TRIQK: variants seen among roughly 807,000 people sequenced by gnomAD.
The protein encoded by TRIQK is triple QxxK/R motif-containing protein.
TRIQK carries 10 observed loss-of-function variants against 10.8 expected under a neutral mutation model. That is an observed-to-expected ratio of 0.92 (90% CI 0.57 to 1.57). The LOEUF (loss-of-function observed/expected upper bound fraction) is 1.57. TRIQK is among the 40% of genes most tolerant of loss of function. TRIQK has a pLI of 0.00. For synonymous variants in TRIQK, 33 were observed against 33.7 expected (o/e 0.98, Z 0.07); for missense variants, 107 against 97.7 (o/e 1.09, Z -0.40).
In TRIQK at chr8:92,916,986, C is replaced by T; in HGVS notation, c.4G>A (p.Gly2Ser). ...TTTATAGTAGCAGCATCTTTTCTAC[C>T]CATCTTTGATCTCCAAAATGCCTGC... The part of the protein sequence containing the change: M[G>S]RKDAATIKLP... Residue 2 changes from glycine to serine, a missense_variant, in exon 3 of 5, where the codon GGT becomes AGT. Transcript: ENST00000521988. 1 of 1,501,990 alleles carries T rather than the reference C, an allele frequency of 6.7e-7. No homozygotes were observed. The highest frequency in any genetic ancestry group is 8.8e-7 in the Non-Finnish European group (1 of 1,131,664). The allele number at this position is 1,501,990 out of a possible 1,614,324, so 93.0% of individuals were successfully genotyped here. A position where few individuals can be genotyped will look rare whatever the true frequency, so the allele number is the denominator to read the frequency against.
chr8:93,009,955 C>A (rs1813315035), intron 1 of TRIQK, among the ~76,000 whole-genome samples: 1 of 152,022 alleles, frequency 6.6e-6, no homozygotes, highest in African/African-American at 2.4e-5. Flanking sequence ...AAATAGAGTC[C>A]TGTCCTTTGT....
At chr8:92,894,936 T>C (rs1418854997) in intron 3 of TRIQK, among the ~76,000 whole-genome samples, 1 of 152,128 alleles carries the variant, frequency 6.6e-6, no homozygotes. Flanking sequence ...TTATTGGTCA[T>C]CTGCTGTGGT....
chr8:92,999,995 G>T (rs1813192214), intron 1 of TRIQK, among the ~76,000 whole-genome samples: 1 of 151,746 alleles, frequency 6.6e-6, no homozygotes, highest in Non-Finnish European at 1.5e-5. Flanking sequence ...TTTTTTCTGA[G>T]CTCTACATAT....
intron 1 of TRIQK, among the ~76,000 whole-genome samples, chr8:92,987,622 A>C (rs1275401308): frequency 6.6e-6 from 1 of 152,200 alleles, no homozygotes; most frequent in Admixed American, 6.5e-5. Flanking sequence ...GTAAATAATA[A>C]TCAAAATTGT....
At chr8:92,977,710 T>C (rs1792066721) in intron 1 of TRIQK, among the ~76,000 whole-genome samples, 1 of 152,132 alleles carries the variant, frequency 6.6e-6, no homozygotes. Context: ...ACCTGGGCAT[T>C]TTTTTATTGA....
chr8:92,890,933 G>T (rs561425850), intron 4 of TRIQK, among the ~76,000 whole-genome samples: 3 of 151,840 alleles, frequency 2.0e-5, no homozygotes, highest in African/African-American at 7.2e-5. Context: ...GATTTCACAT[G>T]AAATTAGAAA....
At chr8:92,963,596 T>A (rs1232574396) in intron 1 of TRIQK, 1 of 152,116 alleles carries the variant, frequency 6.6e-6, no homozygotes, top group East Asian at 1.9e-4. Flanking sequence ...AATGTTCATC[T>A]CAAAAGTACA....
At position 92,883,600 on chromosome 8, in the gene TRIQK, T is replaced by G. The variant is rs1816316153; in HGVS notation, c.*3022A>C. ...TTTTTTATCATTTACACAAAGAAAC[T>G]GTGACAGACTCTGAGAGGACTAAAA... On this transcript the variant is annotated 3_prime_UTR_variant, in exon 5 of 5. Transcript: ENST00000521988. 2.6e-5 allele frequency: 4 copies of G among 151,694 alleles called. No individual in the cohort carries two copies. The highest frequency in any genetic ancestry group is 2.6e-4 in the Admixed American group (4 of 15,188). The allele number at this position is 151,694 out of a possible 1,614,324, so 9.4% of individuals were successfully genotyped here. A position where few individuals can be genotyped will look rare whatever the true frequency, so the allele number is the denominator to read the frequency against.
upstream of TRIQK, among the ~76,000 whole-genome samples, chr8:92,967,196 G>T (rs1032517258): frequency 7.2e-5 from 11 of 151,884 alleles, no homozygotes; most frequent in African/African-American, 2.4e-4. Flanking sequence ...TTACTTATGT[G>T]TGTGGCTTTA....
chr8:92,913,238 A>T (rs781501089), intron 3 of TRIQK, among the ~76,000 whole-genome samples: 1 of 152,176 alleles, frequency 6.6e-6, no homozygotes, highest in South Asian at 2.1e-4. Flanking sequence ...CAGAAGAAGC[A>T]TTTAACACAA....
At chr8:92,944,866 C>T (rs1206027380) in intron 2 of TRIQK, among the ~76,000 whole-genome samples, 1 of 151,982 alleles carries the variant, frequency 6.6e-6, no homozygotes, top group Non-Finnish European at 1.5e-5. Context: ...GTTCTCACCA[C>T]AAAGAAATGA....
At chr8:92,904,355 T>C (rs1288161377) in intron 3 of TRIQK, among the ~76,000 whole-genome samples, 2 of 152,116 alleles carry the variant, frequency 1.3e-5, no homozygotes, top group African/African-American at 4.8e-5. Context: ...GAAAAGGAAA[T>C]GTATACTCCT....
chr8:92,930,390 C>CAAAA (rs66513185), intron 2 of TRIQK, among the ~76,000 whole-genome samples: 6 of 47,164 alleles, frequency 1.3e-4, no homozygotes, highest in South Asian at 1.3e-3. Flanking sequence ...ACTAGGTCTC[C>CAAAA]AAAAAAAAAA....
intron 1 of TRIQK, among the ~76,000 whole-genome samples, chr8:93,013,664 A>G (rs1432890431): frequency 6.6e-6 from 1 of 152,218 alleles, no homozygotes; most frequent in Admixed American, 6.5e-5. Flanking sequence ...TATGTGGTTA[A>G]GTACATGCCA....
chr8:92,955,168 G>A (rs758252299), intron 1 of TRIQK, among the ~76,000 whole-genome samples: 1 of 151,740 alleles, frequency 6.6e-6, no homozygotes, highest in African/African-American at 2.4e-5. Flanking sequence ...ATATGGATAA[G>A]AGTATAAAAT....
At chr8:92,975,264 C>T (rs1386731865) in intron 1 of TRIQK, among the ~76,000 whole-genome samples, 1 of 152,208 alleles carries the variant, frequency 6.6e-6, no homozygotes, top group African/African-American at 2.4e-5. Flanking sequence ...AATTTGTGTG[C>T]ATTGCCAGTG....
intron 4 of TRIQK, among the ~76,000 whole-genome samples, chr8:92,888,741 G>C (rs1293165695): frequency 6.6e-6 from 1 of 151,428 alleles, no homozygotes; most frequent in East Asian, 1.9e-4. Flanking sequence ...TCATCCCAAG[G>C]GGTTGTGGGC....
intron 1 of TRIQK, among the ~76,000 whole-genome samples, chr8:92,990,627 G>A (rs1251233095): frequency 2.0e-5 from 3 of 152,102 alleles, no homozygotes; most frequent in Admixed American, 1.3e-4. Flanking sequence ...GTGGGAAGTC[G>A]CTTCACCTGG....
intron 2 of TRIQK, among the ~76,000 whole-genome samples, chr8:92,927,654 T>C (rs1810510756): frequency 6.6e-6 from 1 of 152,082 alleles, no homozygotes; most frequent in African/African-American, 2.4e-5. Flanking sequence ...ACCAGGATAA[T>C]GCATATGTCA....
Sources: allele counts gnomAD v4.1 joint callset (sites outside exome capture counted in the v4.1 genomes callset), GRCh38; gene constraint gnomAD v4.1.1; transcripts MANE v1.5; gene names NCBI Gene and HGNC (gene_info 2026-07-23, HGNC 2026-07-21).